USP33: variants seen among roughly 807,000 people sequenced by gnomAD.
USP33 encodes ubiquitin specific peptidase 33.
Under a neutral mutation model 124.2 loss-of-function variants are expected in USP33, and 46 were observed. The ratio of observed to expected loss-of-function variants is 0.37; its 90% CI spans 0.29 to 0.47. The LOEUF (loss-of-function observed/expected upper bound fraction) is 0.47. USP33 is among the 20% of genes least tolerant of loss of function. USP33 has a pLI of 0.99. For missense variants in USP33, 851 were observed against 1,070.6 expected (o/e 0.79, Z 2.86); for synonymous variants, 350 against 352.3 (o/e 0.99, Z 0.07).
chr1:77,749,500 GCCTCC>G (rs1443777574), intron 1 of USP33, among the ~76,000 whole-genome samples: 1 of 151,826 alleles, frequency 6.6e-6, no homozygotes, highest in East Asian at 1.9e-4. Context: ...TCTTGTCTCA[GCCTCC>G]CAAATAGCTG....
At chr1:77,726,323 G>A (rs1012019503) in intron 10 of USP33, among the ~76,000 whole-genome samples, 2 of 151,484 alleles carry the variant, frequency 1.3e-5, no homozygotes, top group Admixed American at 6.6e-5. Context: ...AAGCCAAAGA[G>A]GATCTTGTTT....
Position 77,753,086 on chromosome 1 carries a change from TAAAAAATAA to T in USP33, c.-52+6548_-52+6556del, listed in dbSNP as rs759110873. 4.9e-4 allele frequency among the ~76,000 whole-genome samples: 74 copies of T among 151,396 alleles called. 1 individual carries two copies. Among genetic ancestry groups the T allele is most frequent in the Non-Finnish European group, 7.5e-4 (51 of 67,768 alleles). On this transcript the variant is annotated intron_variant, in intron 1 of 23. Coordinates refer to ENST00000370794, the MANE Select transcript of USP33 (RefSeq NM_201624.3). Reference sequence around the variant, plus strand: ...AAGAGCAAAACTCCATCTCAAAAAATAAAAAATAAAAAAAATTAGCTAAAATTAACAGGA... The same window carrying T: ...AAGAGCAAAACTCCATCTCAAAAAATAAAAAATTAGCTAAAATTAACAGGA...
intron 1 of USP33, among the ~76,000 whole-genome samples, chr1:77,752,836 G>C (rs1310789887): frequency 6.6e-6 from 1 of 152,148 alleles, no homozygotes; most frequent in Non-Finnish European, 1.5e-5. Flanking sequence ...CCAGCACTTT[G>C]CGAGGCCGAG....
At chr1:77,715,195 T>C (rs1345012686) in intron 18 of USP33, among the ~76,000 whole-genome samples, 1 of 152,122 alleles carries the variant, frequency 6.6e-6, no homozygotes, top group Non-Finnish European at 1.5e-5. Context: ...ATTTTTAAAT[T>C]AAACCTAATC....
chr1:77,742,229 T>C (rs34513554), intron 1 of USP33, among the ~76,000 whole-genome samples: 1,764 of 152,230 alleles, frequency 0.012, 24 homozygotes, highest in Non-Finnish European at 0.018. Context: ...AATTAAATCA[T>C]CTGGTATCCT....
chr1:77,707,226 G>C (rs540625209), intron 21 of USP33, among the ~76,000 whole-genome samples: 69 of 152,286 alleles, frequency 4.5e-4, no homozygotes, highest in African/African-American at 1.6e-3. Context: ...CAGTTTTAGA[G>C]AACAGAACTC....
chr1:77,740,699 T>C (rs191920909), intron 4 of USP33, among the ~76,000 whole-genome samples, 178 bp downstream of exon 4: 1 of 152,322 alleles, frequency 6.6e-6, no homozygotes, highest in East Asian at 1.9e-4. Context: ...CACAACCTCA[T>C]TCTAATGTTC....
rs368129434 is a variant in USP33 at position 77,725,615 on chromosome 1, G to A, written c.1276+7C>T. On this transcript the variant is annotated splice_region_variant and intron_variant, in intron 11 of 23. Transcript: ENST00000370794. The stretch of plus-strand genomic sequence containing the variant: ...GCAAAAGAGACTGAATAAGAGAAAC[G>A]TTTTACCTTTTTTGTGTGGTGGTGC... 7.1e-5 allele frequency: 115 copies of A among 1,613,720 alleles called. No individual in the cohort carries two copies. The highest frequency in any genetic ancestry group is 8.4e-5 in the Non-Finnish European group (99 of 1,179,862).
rs1298648994 is a variant in USP33, at chr1:77,696,484, T to C, written c.*833A>G. Reference sequence around the variant, plus strand: ...TTGTAAATTTTAATAAGCTAGTTAGTGTATATGCTGCAGTGCAAAAAAAGT... The same window carrying C: ...TTGTAAATTTTAATAAGCTAGTTAGCGTATATGCTGCAGTGCAAAAAAAGT... On this transcript the variant is annotated 3_prime_UTR_variant, in exon 24 of 24. Coordinates refer to ENST00000370794, the MANE Select transcript of USP33 (RefSeq NM_201624.3). 2.6e-5 allele frequency: 4 copies of C among 152,630 alleles called. No homozygotes were observed. Among genetic ancestry groups the C allele is most frequent in the African/African-American group, 9.7e-5 (4 of 41,450 alleles). The allele number at this position is 152,630 out of a possible 1,614,324, so 9.5% of individuals were successfully genotyped here.
At chr1:77,702,200 GCTAA>G (rs1328211082) in intron 21 of USP33, among the ~76,000 whole-genome samples, 1 of 127,378 alleles carries the variant, frequency 7.9e-6, no homozygotes, top group Non-Finnish European at 1.6e-5. Context: ...TAAGATGTAT[GCTAA>G]CTTAGTACTA....
Position 77,714,746 on chromosome 1 carries a change from T to C in USP33, c.2083A>G (p.Ile695Val). Residue 695 changes from isoleucine to valine, a missense_variant, in exon 19 of 24, where the codon ATA (isoleucine) becomes GTA (valine). Physicochemically the swap from Ile to Val is conservative, Grantham distance 29 (BLOSUM62 3). Transcript: ENST00000370794. ...TCCATTATGTTCAATAAATTTGATA[T>C]CCTTCTCCTCTCTTTTTGTGCCTCT... ...SEEAQKERRR[I>V]SNLLNIMEPS... is the part of the protein sequence containing the mutation. 1.2e-6 allele frequency: 2 copies of C among 1,612,482 alleles called. No homozygotes were observed. The highest frequency in any genetic ancestry group is 1.7e-6 in the Non-Finnish European group (2 of 1,179,922).
In USP33 at chr1:77,730,597, AGAG is replaced by A. The variant is rs1677694956; in HGVS notation, c.638+18_638+20del. 2.1e-6 allele frequency: 3 copies of A among 1,434,020 alleles called. No homozygotes were observed. In the East Asian group the frequency reaches 7.2e-5, roughly 35 times the overall value. The allele number at this position is 1,434,020 out of a possible 1,614,324, so 88.8% of individuals were successfully genotyped here. A position where few individuals can be genotyped will look rare whatever the true frequency, so the allele number is the denominator to read the frequency against. ...TCATTTAAAAGTTTAATAAAGAAGA[AGAG>A]TATATTAAGTTACATACCTGCTTTT... On this transcript the variant is annotated intron_variant, in intron 8 of 23. Transcript: ENST00000370794.
intron 5 of USP33, 103 bp from the exon 6 acceptor site, chr1:77,736,261 GTTATT>G: frequency 4.7e-6 from 3 of 637,834 alleles, no homozygotes; most frequent in Non-Finnish European, 7.4e-6. Context: ...TTATTGAGAT[GTTATT>G]TTAATAGTGG....
At chr1:77,741,342 AT>A (rs771169278) in intron 3 of USP33, 33 bp downstream of exon 3, 1 of 1,562,338 alleles carries the variant, frequency 6.4e-7, no homozygotes, top group African/African-American at 1.4e-5. Context: ...TATTATTATT[AT>A]AGCAATCTTT....
Position 77,697,244 on chromosome 1 carries a change from G to T in USP33, c.*73C>A, listed in dbSNP as rs1462817791. The T allele has an allele frequency of 2.7e-5, 36 of 1,318,728 alleles. No individual in the cohort carries two copies. The highest frequency in any genetic ancestry group is 3.6e-5 in the Non-Finnish European group (36 of 987,028). The allele number at this position is 1,318,728 out of a possible 1,614,324, so 81.7% of individuals were successfully genotyped here. On this transcript the variant is annotated 3_prime_UTR_variant, in exon 24 of 24. Transcript: ENST00000370794. Reference sequence around the variant, plus strand: ...ATAAAGCAAATAAACACGCTTTTAGGAATGTTTTCGCATGTGTACATGTCA... The same window carrying T: ...ATAAAGCAAATAAACACGCTTTTAGTAATGTTTTCGCATGTGTACATGTCA...
chr1:77,729,896 T>C lies in USP33; in HGVS notation c.681A>G (p.Lys227=), dbSNP rs1677603521. The stretch of plus-strand genomic sequence containing the variant: ...ACCCCCGAAATGTTGGATTTACAGT[T>C]TTAATTCCTTGAAACAGAGTAGTAG... ...VVPTTLFQGI[K]TVNPTFRGYS... The change falls in exon 9 of 24, where the codon AAA becomes AAG. Residue 227 remains lysine, a synonymous_variant. Transcript: ENST00000370794. The C allele has an allele frequency of 6.2e-7, 1 of 1,613,918 alleles. No homozygotes were observed. The highest frequency in any genetic ancestry group is 2.2e-5 in the East Asian group (1 of 44,824).
At chr1:77,741,250 G>T in intron 3 of USP33, 126 bp downstream of exon 3, 1 of 900,332 alleles carries the variant, frequency 1.1e-6, no homozygotes, top group Non-Finnish European at 1.7e-6. Context: ...TATTAATAAT[G>T]ACCTTTTAAA....
At chr1:77,702,345 G>A (rs1674137748) in intron 21 of USP33, among the ~76,000 whole-genome samples, 1 of 151,698 alleles carries the variant, frequency 6.6e-6, no homozygotes, top group Non-Finnish European at 1.5e-5. Context: ...CAATAAATAC[G>A]CCACATATTT....
chr1:77,748,454 A>G (rs1679950922), intron 1 of USP33, among the ~76,000 whole-genome samples: 1 of 152,096 alleles, frequency 6.6e-6, no homozygotes, highest in South Asian at 2.1e-4. Flanking sequence ...GTGGATCACA[A>G]GATCAGGAGT....
Sources: allele counts gnomAD v4.1 joint callset (sites outside exome capture counted in the v4.1 genomes callset), GRCh38; gene constraint gnomAD v4.1.1; transcripts MANE v1.5; gene names NCBI Gene and HGNC (gene_info 2026-07-23, HGNC 2026-07-21).